CLVS1: variants seen among roughly 807,000 people sequenced by gnomAD.
CLVS1 encodes clavesin-1.
In CLVS1, 10 loss-of-function variants were observed where a neutral mutation model predicts 33.1. The observed-to-expected ratio is 0.30, with a 90% CI of 0.19 to 0.51. The LOEUF (loss-of-function observed/expected upper bound fraction) is 0.51. Ranked by LOEUF, CLVS1 falls within the 20% of genes least tolerant of loss-of-function variation. CLVS1 has a pLI of 0.97. For synonymous variants in CLVS1, 163 were observed against 166.1 expected, an observed-to-expected ratio of 0.98 and a Z score of 0.14; for missense variants, 343 against 433.4, an observed-to-expected ratio of 0.79 and a Z score of 1.85.
chr8:61,483,994 T>A (rs962803929), intron 5 of CLVS1, among the ~76,000 whole-genome samples: 11 of 152,168 alleles, frequency 7.2e-5, no homozygotes, highest in African/African-American at 2.4e-4. Flanking sequence ...TCATACTGAA[T>A]GGACAAGAAC....
chr8:61,235,432 A>C (rs921415259), intron 2 of CLVS1, among the ~76,000 whole-genome samples: 17 of 152,354 alleles, frequency 1.1e-4, no homozygotes, highest in Non-Finnish European at 1.9e-4. Context: ...CAATAACTAC[A>C]AATAACTACA....
chr8:61,455,186 G>GTGTC (rs71747625), intron 4 of CLVS1, among the ~76,000 whole-genome samples: 2 of 149,590 alleles, frequency 1.3e-5, no homozygotes, highest in South Asian at 2.1e-4. Context: ...ATTTGTGTGT[G>GTGTC]TGTGTGTGTG....
At chr8:61,291,058 G>A (rs533719559) in intron 1 of CLVS1, among the ~76,000 whole-genome samples, 6 of 152,160 alleles carry the variant, frequency 3.9e-5, no homozygotes, top group Non-Finnish European at 7.4e-5. Context: ...ATTCTTTATG[G>A]ATTGAAAATG....
At chr8:61,200,828 T>G (rs1236996110) in intron 2 of CLVS1, among the ~76,000 whole-genome samples, 1 of 152,224 alleles carries the variant, frequency 6.6e-6, no homozygotes, top group Non-Finnish European at 1.5e-5. Context: ...ATCTGAATTT[T>G]TTGGTTTTTA....
chr8:61,453,087 A>AG (rs1554576642), intron 3 of CLVS1, among the ~76,000 whole-genome samples: 15 of 148,384 alleles, frequency 1.0e-4, no homozygotes, highest in East Asian at 2.0e-4. Context: ...TCTTGCTAAC[A>AG]TTTTTTTTTT....
In CLVS1 at chr8:61,340,147, G is replaced by C. The variant is rs147773343; in HGVS notation, c.456-36458G>C. Among the ~76,000 whole-genome samples, 50 of 152,304 alleles carry C rather than the reference G, an allele frequency of 3.3e-4. No homozygotes were observed. The East Asian group carries it at 9.2e-3, about 28-fold the overall frequency. ...GGAAAGAACCCTGCATTGCCAGAAA[G>C]TTAGGAGAGGAGAAAGTTAACATAA... is the stretch of plus-strand genomic sequence containing the variant. On this transcript the variant is annotated intron_variant, in intron 2 of 5. Coordinates refer to ENST00000325897, the MANE Select transcript of CLVS1 (RefSeq NM_173519.3).
At chr8:61,157,225 A>C (rs1806668092) in intron 2 of CLVS1, among the ~76,000 whole-genome samples, 2 of 152,222 alleles carry the variant, frequency 1.3e-5, no homozygotes, top group African/African-American at 4.8e-5. Flanking sequence ...AACACATAAA[A>C]GTAAGGCTAA....
intron 1 of CLVS1, among the ~76,000 whole-genome samples, chr8:61,076,636 C>T (rs1263236981): frequency 6.6e-6 from 1 of 152,240 alleles, no homozygotes. Flanking sequence ...CCTAAGCATT[C>T]ATTCATGCCC....
intron 2 of CLVS1, among the ~76,000 whole-genome samples, chr8:61,318,407 A>C (rs1320430397): frequency 1.3e-5 from 2 of 152,200 alleles, no homozygotes; most frequent in Non-Finnish European, 2.9e-5. Context: ...CCTAGATACC[A>C]GGAATACAGA....
chr8:61,246,167 C>CTTTTTTTTTTTTTTTTTTTTTTT (rs1188366643), intron 2 of CLVS1, among the ~76,000 whole-genome samples: 1 of 82,210 alleles, frequency 1.2e-5, no homozygotes, highest in African/African-American at 4.6e-5. Flanking sequence ...TCCTTCCCAA[C>CTTTTTTTTTTTTTTTTTTTTTTT]TTTTTTTTTT....
intron 4 of CLVS1, among the ~76,000 whole-genome samples, chr8:61,455,975 A>C (rs1001297140): frequency 6.6e-6 from 1 of 152,212 alleles, no homozygotes; most frequent in Non-Finnish European, 1.5e-5. Context: ...CAAGACAGAA[A>C]TGTTTTAAAA....
chr8:61,040,219 C>G, the CLVS1 span, among the ~76,000 whole-genome samples: 1 of 151,500 alleles, frequency 6.6e-6, no homozygotes, highest in African/African-American at 2.4e-5. Context: ...GTATATGTAC[C>G]ACGTTTTCTT....
intron 2 of CLVS1, among the ~76,000 whole-genome samples, chr8:61,331,342 T>C (rs1290539002): frequency 6.6e-6 from 1 of 152,134 alleles, no homozygotes; most frequent in African/African-American, 2.4e-5. Flanking sequence ...TGGGTCTTTT[T>C]TATTTACTCA....
At chr8:61,240,798 C>A (rs1808681995) in intron 2 of CLVS1, among the ~76,000 whole-genome samples, 2 of 151,284 alleles carry the variant, frequency 1.3e-5, no homozygotes, top group Non-Finnish European at 2.9e-5. Context: ...TACAGTGCAA[C>A]ATTAAATAGA....
At chr8:61,394,973 A>C (rs1814464437) in intron 3 of CLVS1, among the ~76,000 whole-genome samples, 1 of 152,216 alleles carries the variant, frequency 6.6e-6, no homozygotes, top group Admixed American at 6.5e-5. Context: ...GGCCATTCAT[A>C]TCTCTTCTTT....
At chr8:61,027,907 T>C in the CLVS1 span, among the ~76,000 whole-genome samples, 2 of 152,382 alleles carry the variant, frequency 1.3e-5, no homozygotes, top group South Asian at 4.1e-4. Flanking sequence ...AGAAACATGA[T>C]TTTGTTTATT....
chr8:61,239,950 A>C lies in CLVS1; in HGVS notation c.-151-59727A>C, dbSNP rs1220125158. On this transcript the variant is annotated intron_variant, in intron 2 of 2. Transcript: ENST00000522621. Reference sequence around the variant, plus strand: ...CCTGGGTACAAACCCAGGAGGCTGCAGAGCCATAGACTTAGTTCACACCCC... The same window carrying C: ...CCTGGGTACAAACCCAGGAGGCTGCCGAGCCATAGACTTAGTTCACACCCC... 2.0e-5 allele frequency among the ~76,000 whole-genome samples: 3 copies of C among 152,298 alleles called. No individual in the cohort carries two copies. In the East Asian group the frequency reaches 5.8e-4, roughly 29 times the overall value.
the CLVS1 span, among the ~76,000 whole-genome samples, chr8:61,041,230 T>C: frequency 2.4e-4 from 36 of 152,350 alleles, no homozygotes; most frequent in Non-Finnish European, 3.8e-4. Context: ...TTTTGGTTAT[T>C]GTAGCCTTAT....
chr8:61,042,027 T>C, the CLVS1 span, among the ~76,000 whole-genome samples: 2 of 152,188 alleles, frequency 1.3e-5, no homozygotes, highest in East Asian at 3.9e-4. Flanking sequence ...TTAAGAGTTT[T>C]GTTAACTTGG....
Sources: allele counts gnomAD v4.1 joint callset (sites outside exome capture counted in the v4.1 genomes callset), GRCh38; gene constraint gnomAD v4.1.1; transcripts MANE v1.5; gene names NCBI Gene and HGNC (gene_info 2026-07-23, HGNC 2026-07-21).